Variants in RAD51B observed in about 807,000 individuals in gnomAD.
RAD51B encodes DNA repair protein RAD51 homolog 2.
Under a neutral mutation model 42.2 loss-of-function variants are expected in RAD51B, and 38 were observed. That is an observed-to-expected ratio of 0.90 (90% CI 0.70 to 1.18). The LOEUF is 1.18. Ranked by LOEUF, RAD51B falls within the 50% of genes most tolerant of loss-of-function variation. The pLI is 0.00. For synonymous variants in RAD51B, 154 were observed against 145.2 expected (o/e 1.06, Z -0.43); for missense variants, 373 against 400.7 (o/e 0.93, Z 0.59).
At chr14:68,113,085 T>G (rs898003008) in intron 7 of RAD51B, among the ~76,000 whole-genome samples, 9 of 152,080 alleles carry the variant, frequency 5.9e-5, no homozygotes, top group Admixed American at 3.9e-4. Context: ...ACGAAATTGG[T>G]TTATTGATTT....
At chr14:68,331,367 C>CAAAGAAAAAAAAAAAAAAAAAAAAAAA (rs2082344804) in intron 8 of RAD51B, among the ~76,000 whole-genome samples, 1 of 32,948 alleles carries the variant, frequency 3.0e-5, no homozygotes, top group Non-Finnish European at 7.6e-5. Context: ...GACTCTGTCT[C>CAAAGAAAAAAAAAAAAAAAAAAAAAAA]AAAAAAAAAA....
chr14:68,031,348 C>T (rs954626665), intron 7 of RAD51B, among the ~76,000 whole-genome samples: 1 of 152,194 alleles, frequency 6.6e-6, no homozygotes, highest in East Asian at 1.9e-4. Flanking sequence ...CCTGGCCCTG[C>T]CCTTGATACC....
At chr14:68,615,035 G>C (rs1319828287), downstream of RAD51B, among the ~76,000 whole-genome samples, 2 of 152,156 alleles carry the variant, frequency 1.3e-5, no homozygotes, top group Non-Finnish European at 2.9e-5. Context: ...ACCAGGCCCA[G>C]CTAATTTTTG....
intron 7 of RAD51B, among the ~76,000 whole-genome samples, chr14:67,925,830 T>C (rs2044488002): frequency 6.6e-6 from 1 of 152,232 alleles, no homozygotes; most frequent in Non-Finnish European, 1.5e-5. Flanking sequence ...TAACACTGCA[T>C]GGAAGCTGCC....
At chr14:68,350,686 T>C (rs763431865) in intron 8 of RAD51B, among the ~76,000 whole-genome samples, 35 of 152,240 alleles carry the variant, frequency 2.3e-4, no homozygotes, top group Non-Finnish European at 5.0e-4. Context: ...TAAGTGAAGA[T>C]AGACAGTTTT....
At position 68,183,815 on chromosome 14, in the gene RAD51B, C is replaced by T. The variant is rs191385022; in HGVS notation, c.757-108069C>T. Among the ~76,000 whole-genome samples, 10 of 152,080 alleles carry T rather than the reference C, an allele frequency of 6.6e-5. 1 individual carries two copies. In the East Asian group the frequency reaches 9.7e-4, roughly 15 times the overall value. ...ATTTTTTAAATTACCTGGGTAAGGC[C>T]GGGCGTAGTGGCTCACGCCTGTAAT... is the stretch of plus-strand genomic sequence containing the variant. On this transcript the variant is annotated intron_variant, in intron 7 of 10. Transcript: ENST00000471583.
chr14:68,656,059 A>G (rs1217337976), intron 11 of RAD51B, among the ~76,000 whole-genome samples: 1 of 152,204 alleles, frequency 6.6e-6, no homozygotes, highest in Admixed American at 6.5e-5. Flanking sequence ...GCTGGCTTTT[A>G]GCAAGGAGCA....
At chr14:68,303,467 A>G (rs1330462086) in intron 8 of RAD51B, among the ~76,000 whole-genome samples, 10 of 151,956 alleles carry the variant, frequency 6.6e-5, no homozygotes, top group East Asian at 3.9e-4. Context: ...TAAAAAAAAA[A>G]AAAAAAAAAG....
intron 7 of RAD51B, among the ~76,000 whole-genome samples, chr14:67,987,149 T>G (rs923667598): frequency 6.6e-6 from 1 of 152,176 alleles, no homozygotes; most frequent in African/African-American, 2.4e-5. Context: ...GAGAATGGGG[T>G]ATCTATCCCC....
chr14:68,016,092 A>C (rs2075773224), intron 7 of RAD51B, among the ~76,000 whole-genome samples: 1 of 152,236 alleles, frequency 6.6e-6, no homozygotes, highest in Non-Finnish European at 1.5e-5. Context: ...CACAGTACTT[A>C]TCAAAAATGC....
chr14:68,676,663 G>A (rs560668891), intron 11 of RAD51B, among the ~76,000 whole-genome samples: 9 of 152,362 alleles, frequency 5.9e-5, no homozygotes, highest in African/African-American at 1.9e-4. Flanking sequence ...CTGCACAGGC[G>A]CTTCTGGAGG....
At chr14:67,903,192 G>T (rs552390856) in intron 7 of RAD51B, among the ~76,000 whole-genome samples, 1 of 152,200 alleles carries the variant, frequency 6.6e-6, no homozygotes, top group South Asian at 2.1e-4. Context: ...TAGTTGGTTT[G>T]TCTGTATACT....
chr14:68,493,672 C>T (rs750563356), intron 10 of RAD51B, among the ~76,000 whole-genome samples: 1 of 152,200 alleles, frequency 6.6e-6, no homozygotes, highest in Non-Finnish European at 1.5e-5. Flanking sequence ...TTATAGAAGC[C>T]GAGAGGCAGC....
intron 11 of RAD51B, among the ~76,000 whole-genome samples, chr14:68,667,118 G>C (rs140026456): frequency 6.6e-6 from 1 of 152,330 alleles, no homozygotes; most frequent in Non-Finnish European, 1.5e-5. Flanking sequence ...AGCTATAGAC[G>C]AGATGGAGAG....
intron 7 of RAD51B, among the ~76,000 whole-genome samples, chr14:67,941,841 A>G (rs2045221502): frequency 6.6e-6 from 1 of 152,234 alleles, no homozygotes; most frequent in Non-Finnish European, 1.5e-5. Context: ...GCCCCAGCCT[A>G]GTTTTCTTTC....
At chr14:68,136,134 A>G (rs987695184) in intron 7 of RAD51B, among the ~76,000 whole-genome samples, 2 of 152,230 alleles carry the variant, frequency 1.3e-5, no homozygotes, top group African/African-American at 4.8e-5. Flanking sequence ...AAATCTTCCA[A>G]AACAGGATCT....
chr14:68,244,221 C>T (rs1429710294), intron 7 of RAD51B, among the ~76,000 whole-genome samples: 2 of 151,950 alleles, frequency 1.3e-5, no homozygotes, highest in South Asian at 2.1e-4. Context: ...AAAATCTTAA[C>T]GGGAATCCTC....
intron 7 of RAD51B, among the ~76,000 whole-genome samples, chr14:68,213,479 T>C (rs2079752782): frequency 6.6e-6 from 1 of 152,202 alleles, no homozygotes; most frequent in South Asian, 2.1e-4. Context: ...CAGATTAATG[T>C]AAAGTCCTAA....
At chr14:68,395,179 C>G (rs1206518602) in intron 8 of RAD51B, among the ~76,000 whole-genome samples, 2 of 152,216 alleles carry the variant, frequency 1.3e-5, no homozygotes, top group Non-Finnish European at 2.9e-5. Context: ...CCCGCCTCCC[C>G]TTCTTCTGTG....
Sources: allele counts gnomAD v4.1 joint callset (sites outside exome capture counted in the v4.1 genomes callset), GRCh38; gene constraint gnomAD v4.1.1; transcripts MANE v1.5; gene names NCBI Gene and HGNC (gene_info 2026-07-23, HGNC 2026-07-21).